Variants in TSC22D3 observed in about 807,000 individuals in gnomAD.
TSC22D3 encodes TSC22 domain family protein 3.
In TSC22D3, 4 loss-of-function variants were observed where a neutral mutation model predicts 11.1. The ratio of observed to expected loss-of-function variants is 0.36; its 90% CI spans 0.18 to 0.83. The LOEUF (loss-of-function observed/expected upper bound fraction) is 0.83. Among genes scored for constraint, TSC22D3 ranks in the 40% least tolerant of loss-of-function variants. The pLI is 0.48. For missense variants in TSC22D3, 118 were observed against 159.4 expected, an observed-to-expected ratio of 0.74 and a Z score of 1.40; for synonymous variants, 77 against 70.3, an observed-to-expected ratio of 1.10 and a Z score of -0.48.
At chrX:107,770,630 G>C (rs1230972784) in intron 1 of TSC22D3, among the ~76,000 whole-genome samples, 1 of 111,685 alleles carries the variant, frequency 9.0e-6, no homozygotes, top group African/African-American at 3.3e-5. Flanking sequence ...ATCGGATTCA[G>C]AGTATTTCAG....
intron 1 of TSC22D3, among the ~76,000 whole-genome samples, chrX:107,756,695 G>T (rs371741235): frequency 4.4e-4 from 50 of 112,770 alleles, no homozygotes; most frequent in Middle Eastern, 4.6e-3. Flanking sequence ...GCCAAGGCTG[G>T]GGTTTGCAAC....
At chrX:107,738,537 C>G (rs982427849) in intron 1 of TSC22D3, among the ~76,000 whole-genome samples, 1 of 112,991 alleles carries the variant, frequency 8.9e-6, no homozygotes, top group Non-Finnish European at 1.9e-5. Flanking sequence ...GCCCTTTGTG[C>G]CCAGTCTGCA....
intron 1 of TSC22D3, among the ~76,000 whole-genome samples, chrX:107,727,565 T>C (rs1194281428): frequency 9.0e-6 from 1 of 111,562 alleles, no homozygotes; most frequent in Non-Finnish European, 1.9e-5. Flanking sequence ...ATGGACTTTA[T>C]GGACACCCTG....
rs746431734 is a variant in TSC22D3, at chrX:107,730,085, C to G, written c.321-14135G>C. On this transcript the variant is annotated intron_variant, in intron 1 of 2. Transcript: ENST00000372383. ...TGTACTGATTGCTTAGTGGGCACTG[C>G]GCTAAAGACATTAGATAACGTTAAT... Among the ~76,000 whole-genome samples the G allele has an allele frequency of 6.2e-5, 7 of 112,458 alleles. 1 individual carries two copies. In the South Asian group the frequency reaches 2.6e-3, roughly 41 times the overall value.
intron 1 of TSC22D3, among the ~76,000 whole-genome samples, chrX:107,741,300 G>A (rs1296885812): frequency 8.9e-6 from 1 of 112,531 alleles, no homozygotes; most frequent in Non-Finnish European, 1.9e-5. Flanking sequence ...AAGGGGCGAA[G>A]CCACCGTAGA....
chrX:107,768,333 G>A (rs1929759028), intron 1 of TSC22D3, among the ~76,000 whole-genome samples: 1 of 112,210 alleles, frequency 8.9e-6, no homozygotes. Context: ...CTGGCCTTCA[G>A]TACCTGATCT....
intron 1 of TSC22D3, among the ~76,000 whole-genome samples, chrX:107,751,630 G>A (rs1414833980): frequency 2.7e-5 from 3 of 112,183 alleles, no homozygotes. Context: ...TACATCTTCC[G>A]TAAGTGCCTG....
At chrX:107,727,842 T>C (rs752358151) in intron 1 of TSC22D3, among the ~76,000 whole-genome samples, 1 of 112,652 alleles carries the variant, frequency 8.9e-6, no homozygotes, top group African/African-American at 3.2e-5. Flanking sequence ...TAAATTATTC[T>C]CCTGAAGGTC....
intron 1 of TSC22D3, among the ~76,000 whole-genome samples, chrX:107,749,178 TACACACACACACACACACACACACAC>T (rs61681572): frequency 2.3e-5 from 2 of 87,346 alleles, no homozygotes; most frequent in African/African-American, 8.8e-5. Context: ...CTACTAAAAA[TACACACACACACACACACACACACAC>T]ACACACACAC....
intron 1 of TSC22D3, among the ~76,000 whole-genome samples, chrX:107,742,853 A>G (rs1289217442): frequency 9.0e-6 from 1 of 111,672 alleles, no homozygotes; most frequent in Non-Finnish European, 1.9e-5. Flanking sequence ...TGGGATCAGT[A>G]TGGGCTCTTC....
chrX:107,765,056 C>A (rs1929599173), intron 1 of TSC22D3, among the ~76,000 whole-genome samples: 1 of 111,549 alleles, frequency 9.0e-6, no homozygotes, highest in Non-Finnish European at 1.9e-5. Flanking sequence ...GGGTTCCAGC[C>A]CAGAAGGAAT....
At chrX:107,769,348 G>A (rs1929799362) in intron 1 of TSC22D3, among the ~76,000 whole-genome samples, 1 of 112,551 alleles carries the variant, frequency 8.9e-6, no homozygotes, top group Non-Finnish European at 1.9e-5. Context: ...GCTACAACAT[G>A]GATGAACTTT....
rs376637077 is a variant in TSC22D3 at position 107,737,659 on chromosome X, A to G, written c.321-21709T>C. ...GCCTGTACTTTCTCCCATTAAATGA[A>G]GTCCTTCATATGAAAGTATTGTGAG... On this transcript the variant is annotated intron_variant, in intron 1 of 2. Transcript: ENST00000372383. Among the ~76,000 whole-genome samples the G allele has an allele frequency of 9.9e-4, 111 of 111,947 alleles. 2 individuals are homozygous for G. The South Asian group carries it at 0.039, about 40-fold the overall frequency.
At chrX:107,730,164 C>T (rs1927819150) in intron 1 of TSC22D3, among the ~76,000 whole-genome samples, 1 of 112,078 alleles carries the variant, frequency 8.9e-6, no homozygotes, top group African/African-American at 3.2e-5. Flanking sequence ...ATCATTAGAC[C>T]CATTTTGTGG....
intron 1 of TSC22D3, among the ~76,000 whole-genome samples, chrX:107,753,004 G>C (rs1929005349): frequency 8.9e-6 from 1 of 112,115 alleles, no homozygotes; most frequent in African/African-American, 3.2e-5. Flanking sequence ...ATCCACTCAG[G>C]TTGCCACTAG....
intron 1 of TSC22D3, among the ~76,000 whole-genome samples, chrX:107,725,739 C>T (rs1020781028): frequency 6.3e-5 from 7 of 111,625 alleles, no homozygotes; most frequent in African/African-American, 1.6e-4. Flanking sequence ...TTAAGAGGAA[C>T]GGATGCCTTT....
intron 1 of TSC22D3, among the ~76,000 whole-genome samples, chrX:107,722,489 C>A (rs1927388812): frequency 8.9e-6 from 1 of 112,344 alleles, no homozygotes; most frequent in Admixed American, 9.4e-5. Flanking sequence ...ACCTTCATCA[C>A]CCTAACTTTG....
chrX:107,725,883 AC>A (rs1371094296), intron 1 of TSC22D3, among the ~76,000 whole-genome samples: 2 of 111,101 alleles, frequency 1.8e-5, no homozygotes, highest in Admixed American at 9.5e-5. Context: ...TTTTTCTCTA[AC>A]AGCACAGTTT....
intron 1 of TSC22D3, among the ~76,000 whole-genome samples, chrX:107,728,278 T>A (rs1927737275): frequency 8.9e-6 from 1 of 112,775 alleles, no homozygotes; most frequent in Admixed American, 9.4e-5. Flanking sequence ...GGACAATCAT[T>A]GTCTGAGAGA....
Sources: allele counts gnomAD v4.1 joint callset (sites outside exome capture counted in the v4.1 genomes callset), GRCh38; gene constraint gnomAD v4.1.1; transcripts MANE v1.5; gene names NCBI Gene and HGNC (gene_info 2026-07-23, HGNC 2026-07-21).